Variants in TOM1L2 observed in about 807,000 individuals in gnomAD.
The protein encoded by TOM1L2 is TOM1-like protein 2.
Under a neutral mutation model 67.9 loss-of-function variants are expected in TOM1L2, and 31 were observed. That is an observed-to-expected ratio of 0.46 (90% CI 0.34 to 0.62). TOM1L2 has a LOEUF of 0.62. Ranked by LOEUF, TOM1L2 falls within the 20% of genes least tolerant of loss-of-function variation. The probability of loss-of-function intolerance (pLI) is 0.01; values close to 1 mark genes in which losing one functional copy is unlikely to be tolerated. For synonymous variants in TOM1L2, 256 were observed against 254.0 expected, an observed-to-expected ratio of 1.01 and a Z score of -0.07; for missense variants, 606 against 663.5, an observed-to-expected ratio of 0.91 and a Z score of 0.95.
In TOM1L2 at chr17:17,855,170, C is replaced by G. The variant is rs188176264; in HGVS notation, c.1279-4218G>C. Among the ~76,000 whole-genome samples the G allele has an allele frequency of 2.1e-4, 32 of 152,292 alleles. No homozygotes were observed. The East Asian group carries it at 6.2e-3, about 29-fold the overall frequency. On this transcript the variant is annotated intron_variant, in intron 12 of 14. Coordinates refer to ENST00000379504, the MANE Select transcript of TOM1L2 (RefSeq NM_001082968.2). The stretch of plus-strand genomic sequence containing the variant: ...CCATCCTGCTGTCAGCTGATTCTCA[C>G]TTGGAACTGCAGGCAGGGGCAGCTC...
Position 17,879,649 on chromosome 17 carries a change from G to T in TOM1L2, c.755C>A (p.Ser252Ter), listed in dbSNP as rs1177338439. 6.2e-7 allele frequency: 1 copy of T among 1,614,146 alleles called. No homozygotes were observed. Among genetic ancestry groups the T allele is most frequent in the Admixed American group, 1.7e-5 (1 of 60,030 alleles). ...LTEMVPGQEDSSDLELLQELN... is the reference protein window; with the variant it reads ...LTEMVPGQED ...CACCTGCAGCAACTCCAGATCAGAT[G>T]AATCCTCCTGTCCAGGGACCATTTC... The change falls in exon 7 of 15, where the codon TCA becomes TAA. Residue 252 changes from serine to a stop codon, truncating the protein, a stop_gained. Coordinates refer to ENST00000379504, the MANE Select transcript of TOM1L2 (RefSeq NM_001082968.2). LOFTEE classifies it high-confidence loss of function.
At chr17:17,898,740 T>A in intron 2 of TOM1L2, 66 bp from the exon 3 acceptor site, 2 of 1,506,062 alleles carry the variant, frequency 1.3e-6, no homozygotes, top group Non-Finnish European at 1.8e-6. Flanking sequence ...CCTACAGATA[T>A]GTGAACTAGT....
chr17:17,967,379 C>T (rs896430621), intron 1 of TOM1L2, among the ~76,000 whole-genome samples: 1 of 152,232 alleles, frequency 6.6e-6, no homozygotes, highest in African/African-American at 2.4e-5. Flanking sequence ...TTTCTGAAAA[C>T]TTTTTCTAGC....
intron 1 of TOM1L2, among the ~76,000 whole-genome samples, chr17:17,913,009 C>G (rs1466485880): frequency 1.3e-5 from 2 of 152,202 alleles, no homozygotes; most frequent in African/African-American, 4.8e-5. Context: ...CACAGCGAAA[C>G]CCCGTCTCCA....
At chr17:17,951,374 T>C (rs2041200563) in intron 1 of TOM1L2, among the ~76,000 whole-genome samples, 1 of 152,210 alleles carries the variant, frequency 6.6e-6, no homozygotes, top group Non-Finnish European at 1.5e-5. Context: ...GATCTCACTT[T>C]GTCTTACTGG....
intron 1 of TOM1L2, among the ~76,000 whole-genome samples, chr17:17,913,196 A>ATC (rs2039476038): frequency 6.7e-6 from 1 of 150,306 alleles, no homozygotes; most frequent in Non-Finnish European, 1.5e-5. Context: ...GGAGAGGGAG[A>ATC]CCGTGGGGAG....
chr17:17,851,133 C>T (rs2035951899), intron 12 of TOM1L2, 181 bp from the exon 13 acceptor site: 1 of 623,502 alleles, frequency 1.6e-6, no homozygotes, highest in Admixed American at 2.6e-5. Context: ...TGTGAGATGG[C>T]AGGTGAGGAA....
chr17:17,915,584 T>G (rs922713568), intron 1 of TOM1L2, among the ~76,000 whole-genome samples: 9 of 152,110 alleles, frequency 5.9e-5, no homozygotes, highest in Non-Finnish European at 1.2e-4. Flanking sequence ...CATAGCAGCA[T>G]AGCTCATTGC....
At chr17:17,875,010 A>G (rs1008299323) in intron 7 of TOM1L2, among the ~76,000 whole-genome samples, 1 of 152,176 alleles carries the variant, frequency 6.6e-6, no homozygotes, top group Non-Finnish European at 1.5e-5. Context: ...TAATCTCAGC[A>G]CTTTGAGAGG....
At chr17:17,857,775 T>C (rs1486481407) in intron 12 of TOM1L2, 1 of 1,535,528 alleles carries the variant, frequency 6.5e-7, no homozygotes, top group Non-Finnish European at 8.7e-7. Context: ...TCACCATTCC[T>C]TGGGTTATAA....
At chr17:17,875,488 C>T (rs1424313887) in intron 7 of TOM1L2, among the ~76,000 whole-genome samples, 1 of 152,160 alleles carries the variant, frequency 6.6e-6, no homozygotes, top group African/African-American at 2.4e-5. Context: ...CAAGAGCCTA[C>T]TGCTTGCTCA....
intron 1 of TOM1L2, among the ~76,000 whole-genome samples, chr17:17,926,861 A>G (rs963913585): frequency 6.6e-6 from 1 of 152,212 alleles, no homozygotes; most frequent in African/African-American, 2.4e-5. Flanking sequence ...CTGTCTCAAA[A>G]AAAAGGAAGA....
chr17:17,869,793 C>T (rs2037058871), intron 7 of TOM1L2: 2 of 594,800 alleles, frequency 3.4e-6, no homozygotes, highest in Non-Finnish European at 4.4e-6. Context: ...CAAAATATTC[C>T]AGACACCGTT....
At chr17:17,924,684 C>T (rs1027203936) in intron 1 of TOM1L2, among the ~76,000 whole-genome samples, 4 of 152,092 alleles carry the variant, frequency 2.6e-5, no homozygotes, top group African/African-American at 9.7e-5. Flanking sequence ...AGTATTGCTT[C>T]AGCACGGAAG....
At chr17:17,854,481 A>G (rs1486763609) in intron 12 of TOM1L2, among the ~76,000 whole-genome samples, 1 of 151,972 alleles carries the variant, frequency 6.6e-6, no homozygotes, top group African/African-American at 2.4e-5. Flanking sequence ...CTGATGTGTC[A>G]TAGTTTTATT....
At chr17:17,958,406 C>A (rs1403232710) in intron 1 of TOM1L2, among the ~76,000 whole-genome samples, 1 of 152,116 alleles carries the variant, frequency 6.6e-6, no homozygotes, top group Non-Finnish European at 1.5e-5. Context: ...TTCATTTAAA[C>A]CATCAAATCT....
chr17:17,910,974 G>A (rs1293408985), intron 1 of TOM1L2, among the ~76,000 whole-genome samples: 1 of 152,210 alleles, frequency 6.6e-6, no homozygotes, highest in African/African-American at 2.4e-5. Flanking sequence ...GTCCTCTTTT[G>A]CCTTCTGGTG....
At chr17:17,966,531 C>A (rs182850026) in intron 1 of TOM1L2, among the ~76,000 whole-genome samples, 265 of 152,336 alleles carry the variant, frequency 1.7e-3, no homozygotes, top group Non-Finnish European at 3.4e-3. Context: ...CCCAAACCTA[C>A]TGAAACAGAA....
chr17:17,916,720 T>C (rs960579470), intron 1 of TOM1L2, among the ~76,000 whole-genome samples: 1 of 152,200 alleles, frequency 6.6e-6, no homozygotes, highest in African/African-American at 2.4e-5. Flanking sequence ...TCCAACTTTG[T>C]TCTTTTTAAA....
Sources: gnomAD v4.1 joint callset for allele counts (sites outside exome capture counted in the v4.1 genomes callset) on GRCh38, gnomAD v4.1.1 for gene constraint, MANE v1.5 for transcripts, NCBI Gene and HGNC (gene_info 2026-07-23, HGNC 2026-07-21) for gene names.